ABR: variants seen among roughly 807,000 people sequenced by gnomAD.
ABR encodes ABR activator of RhoGEF and GTPase.
ABR carries 35 observed loss-of-function variants against 107.2 expected under a neutral mutation model. That is an observed-to-expected ratio of 0.33 (90% CI 0.25 to 0.43). The LOEUF (loss-of-function observed/expected upper bound fraction) is 0.43. ABR is among the 20% of genes least tolerant of loss of function. The probability of loss-of-function intolerance (pLI) is 1.00; values close to 1 mark genes in which losing one functional copy is unlikely to be tolerated. For synonymous variants in ABR, 498 were observed against 462.0 expected, an observed-to-expected ratio of 1.08 and a Z score of -1.00; for missense variants, 815 against 1,115.2, an observed-to-expected ratio of 0.73 and a Z score of 3.83.
intron 1 of ABR, among the ~76,000 whole-genome samples, chr17:1,176,746 C>T (rs2041930502): frequency 6.6e-6 from 1 of 152,012 alleles, no homozygotes; most frequent in African/African-American, 2.4e-5. Context: ...ACTCAGGAGG[C>T]TGAGGCAGGG....
intron 3 of ABR, among the ~76,000 whole-genome samples, chr17:1,096,915 C>T (rs1159256184): frequency 4.6e-4 from 32 of 69,318 alleles, no homozygotes; most frequent in Admixed American, 3.7e-3. Context: ...AAACCTGCCC[C>T]GGGAGAGAGC....
rs139872974 is a variant in ABR, at chr17:1,162,641, C to T, written c.61+17026G>A. On this transcript the variant is annotated intron_variant, in intron 1 of 22. Transcript: ENST00000302538. ...CCTGAGTGTGGCATCTGCTTCCTGACGGGCCCTAATGGATGTGGCTCACAC... is the reference window on the plus strand; with the variant it reads ...CCTGAGTGTGGCATCTGCTTCCTGATGGGCCCTAATGGATGTGGCTCACAC... Among the ~76,000 whole-genome samples, 517 of 152,300 alleles carry T rather than the reference C, an allele frequency of 3.4e-3. 4 individuals carry two copies. Among genetic ancestry groups the T allele is most frequent in the African/African-American group, 0.012 (483 of 41,520 alleles).
At chr17:1,014,354 T>G (rs200161708) in intron 16 of ABR, among the ~76,000 whole-genome samples, 4,167 of 127,140 alleles carry the variant, frequency 0.033, 177 homozygotes, top group East Asian at 0.13. Flanking sequence ...GGCAGGAGAA[T>G]AGCGTGAACC....
At chr17:1,085,110 C>CTT (rs1230702293) in intron 4 of ABR, among the ~76,000 whole-genome samples, 42 of 126,098 alleles carry the variant, frequency 3.3e-4, no homozygotes, top group Admixed American at 4.8e-4. Context: ...CCAATTAAAA[C>CTT]TTTTTTTTTT....
intron 16 of ABR, among the ~76,000 whole-genome samples, chr17:1,040,345 C>T (rs2030166864): frequency 6.6e-6 from 1 of 152,206 alleles, no homozygotes; most frequent in Non-Finnish European, 1.5e-5. Context: ...TCGTGCTCTC[C>T]AGAGTAATTG....
intron 2 of ABR, among the ~76,000 whole-genome samples, chr17:1,107,713 C>G (rs2038354678): frequency 6.6e-6 from 1 of 152,202 alleles, no homozygotes; most frequent in African/African-American, 2.4e-5. Flanking sequence ...GCAGAGGCCT[C>G]CCTGAGCCCA....
chr17:1,214,152 TG>T (rs1411235885), intron 1 of ABR, among the ~76,000 whole-genome samples: 1 of 152,156 alleles, frequency 6.6e-6, no homozygotes, highest in Non-Finnish European at 1.5e-5. Context: ...CCCAAAGTGC[TG>T]GGATTACAGG....
At position 1,177,499 on chromosome 17, in the gene ABR, A is replaced by C. The variant is rs191925427; in HGVS notation, c.61+2168T>G. On this transcript the variant is annotated intron_variant, in intron 1 of 22. Coordinates refer to ENST00000302538, the MANE Select transcript of ABR (RefSeq NM_021962.5). ...AGAACCCCCTAAGAGGCCTTGGCCTAATTCCCTTTTCTGGCATTCCTCTGG... is the reference window on the plus strand; with the variant it reads ...AGAACCCCCTAAGAGGCCTTGGCCTCATTCCCTTTTCTGGCATTCCTCTGG... 5.6e-4 allele frequency among the ~76,000 whole-genome samples: 85 copies of C among 152,332 alleles called. No homozygotes were observed. The East Asian group carries it at 0.011, about 19-fold the overall frequency.
In ABR at chr17:1,010,848, A is replaced by G; in HGVS notation, c.2117T>C (p.Leu706Pro). Residue 706 changes from leucine to proline, a missense_variant, in exon 20 of 23, where the codon CTG (leucine) becomes CCG (proline). Transcript: ENST00000302538. The surrounding 1 kb of genome is among the most constrained non-coding windows in gnomAD (Gnocchi z 4.1). ...AVFDANNKDI[L>P]LMLSDMDINA... ...GATGTCCATGTCACTCAGCATCAGC[A>G]GGATGTCCTTGTTATCTGCAGGGGT... The G allele has an allele frequency of 1.9e-6, 3 of 1,613,846 alleles. No homozygotes were observed. Among genetic ancestry groups the G allele is most frequent in the Non-Finnish European group, 2.5e-6 (3 of 1,180,002 alleles).
chr17:1,213,628 T>G (rs1442814683), intron 1 of ABR, among the ~76,000 whole-genome samples: 2 of 152,154 alleles, frequency 1.3e-5, no homozygotes, highest in African/African-American at 4.8e-5. Flanking sequence ...CCTGACCTCG[T>G]GACTCACCCG....
At chr17:1,031,888 C>CTCCCTCCCTCCCCGCGCTCCCCTCCT in intron 16 of ABR, 1 of 1,159,268 alleles carries the variant, frequency 8.6e-7, no homozygotes, top group Non-Finnish European at 1.1e-6. Flanking sequence ...CCCTCCCTCC[C>CTCCCTCCCTCCCCGCGCTCCCCTCCT]TCCCTCCGTC....
At chr17:1,193,984 C>T (rs573697904) in intron 1 of ABR, among the ~76,000 whole-genome samples, 15 of 152,164 alleles carry the variant, frequency 9.9e-5, no homozygotes, top group East Asian at 5.9e-4. Flanking sequence ...GTGAGCCCCG[C>T]GCCTGGCCAC....
intron 6 of ABR, 197 bp downstream of exon 6, chr17:1,079,133 C>T: frequency 7.0e-7 from 1 of 1,436,656 alleles, no homozygotes; most frequent in Non-Finnish European, 9.1e-7. Flanking sequence ...GGCTGGCTGC[C>T]TGGGCACGAG....
Position 1,163,454 on chromosome 17 carries a change from G to A in ABR, c.61+16213C>T, listed in dbSNP as rs62070462. ...AGACGCATCCAGGTGGGACCCTGGC[G>A]AAGTGTCACACACAGCACTGAATCC... On this transcript the variant is annotated intron_variant, in intron 1 of 22. Transcript: ENST00000302538. 7.2e-3 allele frequency among the ~76,000 whole-genome samples: 1,037 copies of A among 144,384 alleles called. 8 individuals carry two copies. The highest frequency in any genetic ancestry group is 0.012 in the Middle Eastern group (3 of 256). 94.7% of individuals were successfully genotyped at this position (144,384 alleles called of 152,430 possible). A position where few individuals can be genotyped will look rare whatever the true frequency, so the allele number is the denominator to read the frequency against.
chr17:1,180,473 CTG>C (rs2042098235), upstream of ABR, among the ~76,000 whole-genome samples: 1 of 152,106 alleles, frequency 6.6e-6, no homozygotes, highest in Non-Finnish European at 1.5e-5. Context: ...CCCCTGACCT[CTG>C]AGCGCGGCCG....
In ABR at chr17:1,199,262, C is replaced by T. The variant is rs549774355; in HGVS notation, c.838+29531G>A. ...GAAACAGAGGCAGTGAGCCAGGGCC[C>T]GGCTAGGAAGATCACCCGGGCTGCT... is the stretch of plus-strand genomic sequence containing the variant. On this transcript the variant is annotated intron_variant, in intron 1 of 22. Coordinates refer to the ABR transcript ENST00000574139. Among the ~76,000 whole-genome samples the T allele has an allele frequency of 3.7e-4, 56 of 150,954 alleles. 3 individuals carry two copies. The highest frequency in any genetic ancestry group is 1.3e-3 in the African/African-American group (52 of 40,556).
chr17:1,191,268 CTCCCGCCAAGCT>C (rs2042425547), upstream of ABR, among the ~76,000 whole-genome samples: 1 of 152,134 alleles, frequency 6.6e-6, no homozygotes, highest in African/African-American at 2.4e-5. Context: ...TCCCGCCAGC[CTCCCGCCAAGCT>C]TCCTGCCAGC....
At chr17:1,140,893 T>G (rs891006844) in intron 1 of ABR, among the ~76,000 whole-genome samples, 6 of 151,746 alleles carry the variant, frequency 4.0e-5, no homozygotes, top group African/African-American at 9.7e-5. Context: ...AGTCTTCTAT[T>G]GCACTGGGAG....
rs2042047900 is a variant in ABR, at chr17:1,179,571, C to T, written c.61+96G>A. The T allele has an allele frequency of 2.3e-6, 3 of 1,293,586 alleles. No individual in the cohort carries two copies. The highest frequency in any genetic ancestry group is 6.4e-5 in the Admixed American group (2 of 31,064). The allele number at this position is 1,293,586 out of a possible 1,614,324, so 80.1% of individuals were successfully genotyped here. On this transcript the variant is annotated intron_variant, in intron 1 of 22. Coordinates refer to ENST00000302538, the MANE Select transcript of ABR (RefSeq NM_021962.5). This position sits in a 1 kb window ranked among gnomAD's most constrained non-coding sequence, Gnocchi z 4.9. ...CAGCCCGGTGCCTGGGTCCCGATCC[C>T]GATCTTGGGGTCCCGATCCCGATCC...
Sources: gnomAD v4.1 joint callset for allele counts (sites outside exome capture counted in the v4.1 genomes callset) on GRCh38, gnomAD v4.1.1 for gene constraint, Gnocchi (gnomAD v3.1) non-coding constraint, MANE v1.5 for transcripts, NCBI Gene and HGNC (gene_info 2026-07-23, HGNC 2026-07-21) for gene names.